The following XYLT1 variants were observed in gnomAD, a reference collection of about 807,000 sequenced individuals.
XYLT1 encodes the protein beta-D-xylosyltransferase 1.
In XYLT1, 36 loss-of-function variants were observed where a neutral mutation model predicts 91.3. The ratio of observed to expected loss-of-function variants is 0.39; its 90% CI spans 0.30 to 0.52. The LOEUF (loss-of-function observed/expected upper bound fraction) is 0.52. Ranked by LOEUF, XYLT1 falls within the 20% of genes least tolerant of loss-of-function variation. The pLI, the probability that XYLT1 is intolerant of heterozygous loss-of-function variation, is 0.68. For synonymous variants in XYLT1, 588 were observed against 532.0 expected (o/e 1.11, Z -1.45); for missense variants, 1,242 against 1,284.5 (o/e 0.97, Z 0.51).
At chr16:17,112,927 C>G (rs1448054184) in intron 11 of XYLT1, among the ~76,000 whole-genome samples, 1 of 152,170 alleles carries the variant, frequency 6.6e-6, no homozygotes, top group African/African-American at 2.4e-5. Flanking sequence ...GCAACCTCCA[C>G]CTCCTGGGTT....
At chr16:17,336,487 C>T (rs922949036) in intron 2 of XYLT1, among the ~76,000 whole-genome samples, 3 of 152,166 alleles carry the variant, frequency 2.0e-5, no homozygotes, top group African/African-American at 7.2e-5. Context: ...AAGATGTTGA[C>T]TCTGGGGCCC....
intron 2 of XYLT1, chr16:17,338,505 C>T (rs2035019005): frequency 2.2e-6 from 1 of 456,334 alleles, no homozygotes; most frequent in Non-Finnish European, 4.4e-6. Flanking sequence ...GAGCCTTGTG[C>T]TCCATGAATA....
intron 1 of XYLT1, among the ~76,000 whole-genome samples, chr16:17,403,976 G>A (rs747535183): frequency 4.6e-5 from 7 of 152,182 alleles, no homozygotes; most frequent in Non-Finnish European, 8.8e-5. Flanking sequence ...TAGAGACAAC[G>A]AGATTCTCTC....
intron 1 of XYLT1, among the ~76,000 whole-genome samples, chr16:17,402,515 C>G (rs1177904955): frequency 6.6e-6 from 1 of 151,944 alleles, no homozygotes; most frequent in Non-Finnish European, 1.5e-5. Context: ...ACAAAATAAA[C>G]TGCTTGTGGA....
intron 1 of XYLT1, among the ~76,000 whole-genome samples, chr16:17,407,025 A>G (rs577612532): frequency 6.6e-6 from 1 of 150,664 alleles, no homozygotes; most frequent in South Asian, 2.1e-4. Context: ...TTTTTGAGAC[A>G]GAGTCTTGCT....
At chr16:17,307,117 T>C (rs1448709380) in intron 2 of XYLT1, among the ~76,000 whole-genome samples, 1 of 152,212 alleles carries the variant, frequency 6.6e-6, no homozygotes, top group East Asian at 1.9e-4. Context: ...CTCACTCTAC[T>C]GCCCAGGCTA....
intron 5 of XYLT1, among the ~76,000 whole-genome samples, chr16:17,165,596 G>T (rs1289047075): frequency 6.6e-6 from 1 of 152,202 alleles, no homozygotes; most frequent in Non-Finnish European, 1.5e-5. Context: ...GGAGGCTGAG[G>T]CATGAGAATT....
At chr16:17,234,760 G>A (rs930811468) in intron 3 of XYLT1, among the ~76,000 whole-genome samples, 2 of 151,914 alleles carry the variant, frequency 1.3e-5, no homozygotes, top group Non-Finnish European at 2.9e-5. Context: ...AGTCTACCCT[G>A]AGCAAAGTGA....
chr16:17,371,543 A>C (rs939075933), intron 1 of XYLT1, among the ~76,000 whole-genome samples: 2 of 152,210 alleles, frequency 1.3e-5, no homozygotes, highest in African/African-American at 4.8e-5. Flanking sequence ...GAGATGAGGA[A>C]GCAGAAAGGT....
chr16:17,148,568 A>G (rs1006553129), intron 6 of XYLT1, among the ~76,000 whole-genome samples: 2 of 152,252 alleles, frequency 1.3e-5, no homozygotes, highest in African/African-American at 4.8e-5. Flanking sequence ...GCAATCAGGC[A>G]GTCACAGACT....
At chr16:17,279,652 T>G (rs1206426507) in intron 2 of XYLT1, among the ~76,000 whole-genome samples, 2 of 152,232 alleles carry the variant, frequency 1.3e-5, no homozygotes, top group African/African-American at 4.8e-5. Flanking sequence ...GAGAGTGGGC[T>G]GAGGGGTCAG....
chr16:17,254,455 C>T (rs2033596911), intron 3 of XYLT1, among the ~76,000 whole-genome samples: 1 of 152,150 alleles, frequency 6.6e-6, no homozygotes, highest in Non-Finnish European at 1.5e-5. Context: ...AGTGCAATGG[C>T]ACAATCTCAG....
chr16:17,230,725 T>C (rs967337852), intron 3 of XYLT1, among the ~76,000 whole-genome samples: 3 of 152,230 alleles, frequency 2.0e-5, no homozygotes, highest in African/African-American at 7.2e-5. Context: ...TAGCCTTTTC[T>C]TTCATCCTCC....
intron 3 of XYLT1, among the ~76,000 whole-genome samples, chr16:17,242,239 A>G (rs1486455466): frequency 2.6e-5 from 4 of 152,242 alleles, no homozygotes; most frequent in African/African-American, 9.6e-5. Context: ...CCAGCCATCC[A>G]TTTTGTAAAC....
intron 2 of XYLT1, among the ~76,000 whole-genome samples, chr16:17,280,093 A>G (rs886808655): frequency 2.0e-5 from 3 of 152,208 alleles, no homozygotes; most frequent in Admixed American, 1.3e-4. Context: ...GCTCATGCCT[A>G]TAATCCCAGC....
intron 2 of XYLT1, among the ~76,000 whole-genome samples, chr16:17,346,302 G>A (rs1431451651): frequency 2.0e-5 from 3 of 152,132 alleles, no homozygotes; most frequent in Non-Finnish European, 2.9e-5. Flanking sequence ...CACTTTGCAG[G>A]TGAGACCCTA....
chr16:17,258,747 T>C lies in XYLT1; in HGVS notation c.913+241A>G, dbSNP rs77428582. Among the ~76,000 whole-genome samples, 507 of 152,328 alleles carry C rather than the reference T, an allele frequency of 3.3e-3. 2 individuals are homozygous for C. The highest frequency in any genetic ancestry group is 0.012 in the African/African-American group (484 of 41,572). On this transcript the variant is annotated intron_variant, in intron 3 of 11. Transcript: ENST00000261381. Reference sequence around the variant, plus strand: ...CCGATTTCACTATAATTTCATCCTTTGCCATAAAGGCAATGGGTTAAAGCA... The same window carrying C: ...CCGATTTCACTATAATTTCATCCTTCGCCATAAAGGCAATGGGTTAAAGCA...
intron 3 of XYLT1, among the ~76,000 whole-genome samples, chr16:17,238,553 CCT>C (rs1406427673): frequency 1.3e-5 from 2 of 152,182 alleles, no homozygotes; most frequent in Non-Finnish European, 2.9e-5. Flanking sequence ...ACCCAGGACC[CCT>C]GTCTTAGAGA....
intron 3 of XYLT1, among the ~76,000 whole-genome samples, chr16:17,251,717 T>A (rs2033541109): frequency 1.3e-5 from 2 of 152,174 alleles, no homozygotes; most frequent in South Asian, 4.1e-4. Flanking sequence ...GATTGCCTCC[T>A]ATGGGTCGCA....
Sources: gnomAD v4.1 joint callset for allele counts (sites outside exome capture counted in the v4.1 genomes callset) on GRCh38, gnomAD v4.1.1 for gene constraint, MANE v1.5 for transcripts, NCBI Gene and HGNC (gene_info 2026-07-23, HGNC 2026-07-21) for gene names.